Variants in TMEM229B observed in about 807,000 individuals in gnomAD.
TMEM229B encodes the protein transmembrane protein 229B, also known as chromosome 14 open reading frame 83.
Under a neutral mutation model 13.7 loss-of-function variants are expected in TMEM229B, and 6 were observed. The observed-to-expected ratio is 0.44, with a 90% confidence interval of 0.24 to 0.86. TMEM229B has a LOEUF of 0.86. TMEM229B is among the 40% of genes least tolerant of loss of function. The pLI is 0.23. For missense variants in TMEM229B, 170 were observed against 236.0 expected (o/e 0.72, Z 1.83); for synonymous variants, 107 against 102.1 (o/e 1.05, Z -0.29).
At chr14:67,519,872 G>A (rs745838461), upstream of TMEM229B, among the ~76,000 whole-genome samples, 4 of 152,066 alleles carry the variant, frequency 2.6e-5, no homozygotes, top group Admixed American at 1.3e-4. Flanking sequence ...ACAGGCGTAC[G>A]CCACCATGCC....
chr14:67,530,795 T>G (rs2033431943), intron 1 of TMEM229B, among the ~76,000 whole-genome samples: 1 of 152,254 alleles, frequency 6.6e-6, no homozygotes, highest in South Asian at 2.1e-4. Flanking sequence ...TGAAGCAGGC[T>G]GTGTGACTGT....
At chr14:67,474,612 T>C (rs924515222) in intron 2 of TMEM229B, among the ~76,000 whole-genome samples, 1 of 152,198 alleles carries the variant, frequency 6.6e-6, no homozygotes, top group African/African-American at 2.4e-5. Context: ...AATTCAGTGG[T>C]CTTAAGTACA....
At chr14:67,502,536 T>A (rs1160500411) in intron 1 of TMEM229B, among the ~76,000 whole-genome samples, 1 of 145,886 alleles carries the variant, frequency 6.9e-6, no homozygotes, top group Non-Finnish European at 1.5e-5. Flanking sequence ...CACTGCAACC[T>A]CCGCCTCCGA....
At chr14:67,499,296 G>A (rs2140184708) in intron 1 of TMEM229B, among the ~76,000 whole-genome samples, 1 of 152,272 alleles carries the variant, frequency 6.6e-6, no homozygotes, top group Admixed American at 6.5e-5. Flanking sequence ...GGGCCACTGT[G>A]CCCCACTAAT....
chr14:67,511,809 G>A (rs1885038), intron 1 of TMEM229B, among the ~76,000 whole-genome samples: 96,381 of 151,856 alleles, frequency 0.63, 32,279 homozygotes, highest in Non-Finnish European at 0.76. Context: ...GAGGAGAGCC[G>A]AAGGCCACAC....
intron 1 of TMEM229B, among the ~76,000 whole-genome samples, chr14:67,499,127 T>C (rs560327809): frequency 3.3e-5 from 5 of 152,212 alleles, no homozygotes; most frequent in Non-Finnish European, 5.9e-5. Context: ...CTTAGCCTCC[T>C]AAGTAGCTAG....
At chr14:67,492,377 A>G (rs112626195), upstream of TMEM229B, among the ~76,000 whole-genome samples, 99 of 152,322 alleles carry the variant, frequency 6.5e-4, no homozygotes, top group African/African-American at 1.8e-3. Context: ...AGATCCCATC[A>G]GGCAGCGGCT....
chr14:67,511,670 G>T (rs1297364577), intron 1 of TMEM229B, among the ~76,000 whole-genome samples: 1 of 152,214 alleles, frequency 6.6e-6, no homozygotes, highest in East Asian at 1.9e-4. Flanking sequence ...AGAGGAGGGT[G>T]GAAAGTCGCC....
At chr14:67,522,669 G>C (rs2033308801) in intron 1 of TMEM229B, among the ~76,000 whole-genome samples, 1 of 152,198 alleles carries the variant, frequency 6.6e-6, no homozygotes, top group African/African-American at 2.4e-5. Flanking sequence ...GCTAGGTCCT[G>C]GGTTGGGGTA....
intron 1 of TMEM229B, among the ~76,000 whole-genome samples, chr14:67,512,651 C>A (rs1424572843): frequency 6.6e-6 from 1 of 152,094 alleles, no homozygotes. Flanking sequence ...CCGATAAGAC[C>A]AAGCTGCCTC....
intron 2 of TMEM229B, among the ~76,000 whole-genome samples, chr14:67,483,717 G>A (rs1345162936): frequency 6.6e-6 from 1 of 152,222 alleles, no homozygotes; most frequent in Non-Finnish European, 1.5e-5. Context: ...ACAACCCAGA[G>A]GCCCCCTGAC....
chr14:67,491,525 G>A (rs1469712203), upstream of TMEM229B, among the ~76,000 whole-genome samples: 1 of 152,154 alleles, frequency 6.6e-6, no homozygotes, highest in African/African-American at 2.4e-5. Flanking sequence ...AATAACAAAA[G>A]ACATTCCTTT....
At position 67,505,221 on chromosome 14, in the gene TMEM229B, T is replaced by C. The variant is rs568742199; in HGVS notation, c.-192+9865A>G. ...ATAGAGGGTCAGAATGGGCAGAGACTGGGGAAAAATCTTTGTGGAGGAATT... is the reference window on the plus strand; with the variant it reads ...ATAGAGGGTCAGAATGGGCAGAGACCGGGGAAAAATCTTTGTGGAGGAATT... On this transcript the variant is annotated intron_variant, in intron 1 of 2. Coordinates refer to the TMEM229B transcript ENST00000357461. Among the ~76,000 whole-genome samples, 13 of 152,218 alleles carry C rather than the reference T, an allele frequency of 8.5e-5. No individual in the cohort carries two copies. The South Asian group carries it at 2.7e-3, about 32-fold the overall frequency.
intron 1 of TMEM229B, among the ~76,000 whole-genome samples, chr14:67,505,149 G>A (rs1365247750): frequency 2.6e-5 from 4 of 152,052 alleles, no homozygotes; most frequent in East Asian, 1.9e-4. Flanking sequence ...AGAAGGATGC[G>A]CATTTTCAAA....
chr14:67,526,964 T>C (rs1305469696), intron 1 of TMEM229B, among the ~76,000 whole-genome samples: 1 of 152,184 alleles, frequency 6.6e-6, no homozygotes, highest in Non-Finnish European at 1.5e-5. Flanking sequence ...TCAAGGGAGA[T>C]AATAGACCTA....
chr14:67,474,068 A>G, intron 2 of TMEM229B, 127 bp from the exon 3 acceptor site: 1 of 1,045,608 alleles, frequency 9.6e-7, no homozygotes, highest in East Asian at 2.7e-5. Context: ...CCTGGCCATC[A>G]TGGTGAAACC....
chr14:67,510,463 C>T (rs1383542267), intron 1 of TMEM229B, among the ~76,000 whole-genome samples: 4 of 152,174 alleles, frequency 2.6e-5, no homozygotes, highest in Non-Finnish European at 5.9e-5. Context: ...ATTTAATAAG[C>T]ACTCACCATG....
At chr14:67,488,949 G>A (rs1464990723), upstream of TMEM229B, among the ~76,000 whole-genome samples, 1 of 152,150 alleles carries the variant, frequency 6.6e-6, no homozygotes, top group Non-Finnish European at 1.5e-5. Context: ...AGATGATGGT[G>A]CACCTCTCCC....
intron 1 of TMEM229B, among the ~76,000 whole-genome samples, chr14:67,525,739 T>C (rs1407134232): frequency 2.6e-5 from 4 of 152,214 alleles, no homozygotes; most frequent in African/African-American, 9.7e-5. Flanking sequence ...GAAAGTTACT[T>C]TGAGTATTCC....
Sources: allele counts gnomAD v4.1 joint callset (sites outside exome capture counted in the v4.1 genomes callset), GRCh38; gene constraint gnomAD v4.1.1; transcripts MANE v1.5; gene names NCBI Gene and HGNC (gene_info 2026-07-23, HGNC 2026-07-21).